The following CDK5RAP2 variants were observed in gnomAD, a reference collection of about 807,000 sequenced individuals.
CDK5RAP2 encodes CDK5 regulatory subunit associated protein 2.
A neutral mutation model predicts 232.9 loss-of-function variants in CDK5RAP2; 147 were observed. That is an observed-to-expected ratio of 0.63 (90% CI 0.55 to 0.72). CDK5RAP2 has a LOEUF of 0.72. Among genes scored for constraint, CDK5RAP2 ranks in the 30% least tolerant of loss-of-function variants. The pLI, the probability that CDK5RAP2 is intolerant of heterozygous loss-of-function variation, is 0.00. For synonymous variants in CDK5RAP2, 833 were observed against 833.7 expected (o/e 1.00, Z 0.01); for missense variants, 2,195 against 2,231.5 (o/e 0.98, Z 0.33).
At chr9:120,449,745 T>C (rs1322393097) in intron 21 of CDK5RAP2, among the ~76,000 whole-genome samples, 3 of 152,340 alleles carry the variant, frequency 2.0e-5, no homozygotes, top group Admixed American at 1.3e-4. Context: ...GATATGTGTA[T>C]GGCCAATAAG....
At chr9:120,443,124 G>A (rs1008610016) in intron 23 of CDK5RAP2, among the ~76,000 whole-genome samples, 8 of 152,062 alleles carry the variant, frequency 5.3e-5, no homozygotes, top group East Asian at 1.9e-4. Flanking sequence ...GCCCTCACCC[G>A]TATCTCTGCA....
In CDK5RAP2 at chr9:120,446,991, C is replaced by T. The variant is rs115888370; in HGVS notation, c.3025+904G>A. On this transcript the variant is annotated intron_variant, in intron 22 of 37. Transcript: ENST00000349780. Reference sequence around the variant, plus strand: ...TTTCTGTCTTCGCCCCGACCCTACACACACACACAAGAATGTAAGCTAGAC... The same window carrying T: ...TTTCTGTCTTCGCCCCGACCCTACATACACACACAAGAATGTAAGCTAGAC... 9.1e-3 allele frequency among the ~76,000 whole-genome samples: 1,379 copies of T among 152,330 alleles called. 23 individuals carry two copies. The highest frequency in any genetic ancestry group is 0.032 in the African/African-American group (1,321 of 41,562).
At chr9:120,393,645 G>A (rs940082383) in intron 36 of CDK5RAP2, among the ~76,000 whole-genome samples, 5 of 152,224 alleles carry the variant, frequency 3.3e-5, no homozygotes, top group African/African-American at 9.6e-5. Context: ...CTCAGCTACC[G>A]CCTGCTCCTC....
chr9:120,418,781 T>G (rs1302934075), intron 27 of CDK5RAP2, among the ~76,000 whole-genome samples: 1 of 152,084 alleles, frequency 6.6e-6, no homozygotes, highest in African/African-American at 2.4e-5. Context: ...ACACTCTAGG[T>G]ATGTCTTCTG....
chr9:120,395,860 T>C (rs1239723666), intron 35 of CDK5RAP2, among the ~76,000 whole-genome samples: 2 of 152,226 alleles, frequency 1.3e-5, no homozygotes, highest in African/African-American at 4.8e-5. Context: ...TAGGTGTGGG[T>C]GAGACAACTA....
chr9:120,423,157 C>G (rs2131383833), intron 25 of CDK5RAP2, among the ~76,000 whole-genome samples: 1 of 152,182 alleles, frequency 6.6e-6, no homozygotes, highest in African/African-American at 2.4e-5. Flanking sequence ...TGGAAGATAC[C>G]ATATTACAAC....
Position 120,400,884 on chromosome 9 carries a change from C to A in CDK5RAP2, c.5309G>T (p.Gly1770Val). The change falls in exon 35 of 38, where the codon GGT becomes GTT. Residue 1770 changes from glycine (G) to valine (V), a missense_variant and splice_region_variant. Gly to Val is a moderately radical substitution (Grantham distance 109, BLOSUM62 -3). Transcript: ENST00000349780. ...SSTSQELGTK[G>V]PHPAPLSKFV... ...CTTGCTCAGTGGTGCTGGGTGTGGA[C>A]CCTACACGGGGGATATGAAGGCTGT... 2 of 1,614,072 alleles carry A rather than the reference C, an allele frequency of 1.2e-6. No homozygotes were observed. The highest frequency in any genetic ancestry group is 1.7e-6 in the Non-Finnish European group (2 of 1,180,018).
intron 17 of CDK5RAP2, among the ~76,000 whole-genome samples, chr9:120,469,087 T>C (rs1185866734): frequency 6.6e-6 from 1 of 152,146 alleles, no homozygotes; most frequent in Non-Finnish European, 1.5e-5. Flanking sequence ...TCTATTTTCT[T>C]CATCTTTAAA....
intron 12 of CDK5RAP2, among the ~76,000 whole-genome samples, chr9:120,497,441 A>AAAAAAAAAAAAAAAAAAAAAC (rs2039356739): frequency 6.9e-6 from 1 of 144,564 alleles, no homozygotes; most frequent in Non-Finnish European, 1.5e-5. Context: ...AAAAAAAAAA[A>AAAAAAAAAAAAAAAAAAAAAC]AAAAAAAAAA....
At chr9:120,422,661 G>C (rs2034635250) in intron 26 of CDK5RAP2, 32 bp downstream of exon 26, 1 of 1,569,256 alleles carries the variant, frequency 6.4e-7, no homozygotes, top group African/African-American at 1.4e-5. Flanking sequence ...GAAAGTCCTG[G>C]GAAGTCTTCT....
chr9:120,501,874 T>C (rs1287093454), intron 12 of CDK5RAP2, among the ~76,000 whole-genome samples: 1 of 152,220 alleles, frequency 6.6e-6, no homozygotes, highest in African/African-American at 2.4e-5. Flanking sequence ...TAATTTGTTA[T>C]GCAGCAATAG....
At chr9:120,488,780 G>C (rs2038744164) in intron 13 of CDK5RAP2, among the ~76,000 whole-genome samples, 1 of 152,190 alleles carries the variant, frequency 6.6e-6, no homozygotes, top group Non-Finnish European at 1.5e-5. Flanking sequence ...GGTGTTCCGT[G>C]ATCACACATC....
chr9:120,579,664 ACTC>A (rs1197763157), intron 1 of CDK5RAP2, among the ~76,000 whole-genome samples: 1 of 151,492 alleles, frequency 6.6e-6, no homozygotes, highest in Non-Finnish European at 1.5e-5. Context: ...CTTTCAGAAA[ACTC>A]CTTACCTGTT....
chr9:120,476,106 C>G (rs1212864820), intron 15 of CDK5RAP2, among the ~76,000 whole-genome samples: 1 of 151,846 alleles, frequency 6.6e-6, no homozygotes, highest in Non-Finnish European at 1.5e-5. Context: ...ACACACAGCC[C>G]AGGGAACGAT....
At chr9:120,477,242 C>T (rs1333279078) in intron 15 of CDK5RAP2, 108 bp downstream of exon 15, 1 of 889,202 alleles carries the variant, frequency 1.1e-6, no homozygotes, top group African/African-American at 1.6e-5. Context: ...ACTGGCAGGG[C>T]TTTGCTGCCT....
chr9:120,494,611 C>T (rs2039067355), intron 12 of CDK5RAP2, among the ~76,000 whole-genome samples: 1 of 151,950 alleles, frequency 6.6e-6, no homozygotes, highest in Admixed American at 6.5e-5. Flanking sequence ...AAACAAATAA[C>T]TAATAAACAA....
intron 2 of CDK5RAP2, 106 bp from the exon 3 acceptor site, chr9:120,568,494 G>A: frequency 2.4e-6 from 2 of 830,008 alleles, no homozygotes; most frequent in Non-Finnish European, 4.3e-6. Flanking sequence ...TGCTTCCACA[G>A]TACACGCGGC....
At chr9:120,526,828 T>A (rs1416375917) in intron 10 of CDK5RAP2, among the ~76,000 whole-genome samples, 1 of 152,196 alleles carries the variant, frequency 6.6e-6, no homozygotes, top group African/African-American at 2.4e-5. Flanking sequence ...GTGGTGCATA[T>A]GGGGTCTCTC....
intron 14 of CDK5RAP2, among the ~76,000 whole-genome samples, chr9:120,478,795 C>CA (rs1207734016): frequency 1.3e-5 from 2 of 151,614 alleles, no homozygotes; most frequent in Non-Finnish European, 3.0e-5. Flanking sequence ...AACAAACAAA[C>CA]AAAAAATACT....
Sources: allele counts gnomAD v4.1 joint callset (sites outside exome capture counted in the v4.1 genomes callset), GRCh38; gene constraint gnomAD v4.1.1; transcripts MANE v1.5; gene names NCBI Gene and HGNC (gene_info 2026-07-23, HGNC 2026-07-21).